The following NID1 variants were observed in gnomAD, a reference collection of about 807,000 sequenced individuals.
NID1 encodes nidogen 1.
A neutral mutation model predicts 130.6 loss-of-function variants in NID1; 76 were observed. That is an observed-to-expected ratio of 0.58 (90% confidence interval 0.48 to 0.70). The LOEUF is 0.70. NID1 is among the 30% of genes least tolerant of loss of function. The probability of loss-of-function intolerance (pLI) is 0.00; values close to 1 mark genes in which losing one functional copy is unlikely to be tolerated. For synonymous variants in NID1, 665 were observed against 675.1 expected (o/e 0.98, Z 0.23); for missense variants, 1,517 against 1,664.8 (o/e 0.91, Z 1.54).
At chr1:236,037,111 G>A (rs1260817466) in intron 5 of NID1, among the ~76,000 whole-genome samples, 1 of 152,166 alleles carries the variant, frequency 6.6e-6, no homozygotes, top group Non-Finnish European at 1.5e-5. Flanking sequence ...CTGACCATCT[G>A]CAAGCATCCA....
At chr1:236,039,729 C>T (rs557287979) in intron 4 of NID1, among the ~76,000 whole-genome samples, 1 of 152,230 alleles carries the variant, frequency 6.6e-6, no homozygotes, top group African/African-American at 2.4e-5. Flanking sequence ...AAGTTTAAAC[C>T]CAGGTAGACT....
chr1:236,045,949 A>G (rs189541306), intron 2 of NID1, among the ~76,000 whole-genome samples: 1 of 152,354 alleles, frequency 6.6e-6, no homozygotes, highest in African/African-American at 2.4e-5. Flanking sequence ...TTAACCAAAA[A>G]TTATACAGAT....
intron 14 of NID1, among the ~76,000 whole-genome samples, chr1:235,985,724 TTGTGTG>T (rs759787113): frequency 2.3e-4 from 34 of 147,588 alleles, no homozygotes; most frequent in South Asian, 1.5e-3. Flanking sequence ...GTATAGGAAT[TTGTGTG>T]TGTGTGTGTG....
At chr1:235,985,569 T>C (rs1166052394) in intron 14 of NID1, 64 bp from the exon 15 acceptor site, 2 of 1,580,332 alleles carry the variant, frequency 1.3e-6, no homozygotes, top group Non-Finnish European at 1.7e-6. Flanking sequence ...AGAATCTTTT[T>C]GCGTGCCTAC....
Position 236,045,684 on chromosome 1 carries a change from C to G in NID1, c.526-1G>C. 6.2e-7 allele frequency: 1 copy of G among 1,606,246 alleles called. No individual in the cohort carries two copies. The highest frequency in any genetic ancestry group is 8.5e-7 in the Non-Finnish European group (1 of 1,175,900). ...CTAGAACAGCCTGGAACGTGTTTCT[C>G]TGTGAAGATGAGTTAAAATTCAGTT... On this transcript the variant is annotated splice_acceptor_variant, in intron 2 of 19. Coordinates refer to ENST00000264187, the MANE Select transcript of NID1 (RefSeq NM_002508.3). LOFTEE classifies it high-confidence loss of function.
In NID1 at chr1:236,034,587, G is replaced by C. The variant is rs141615625; in HGVS notation, c.1286-1935C>G. On this transcript the variant is annotated intron_variant, in intron 5 of 19. Transcript: ENST00000264187. ...TATGTGCATGAAACGTCTGGAATAGGAACACCTATAAAGACAGAAAGTAGG... is the reference window on the plus strand; with the variant it reads ...TATGTGCATGAAACGTCTGGAATAGCAACACCTATAAAGACAGAAAGTAGG... Among the ~76,000 whole-genome samples the C allele has an allele frequency of 3.4e-4, 52 of 152,240 alleles. No homozygotes were observed. The East Asian group carries it at 9.1e-3, about 27-fold the overall frequency.
intron 8 of NID1, 99 bp downstream of exon 8, chr1:236,025,797 C>A (rs1658912146): frequency 6.9e-7 from 1 of 1,453,644 alleles, no homozygotes; most frequent in East Asian, 2.3e-5. Context: ...GCATAATTTT[C>A]TTCTACAGAC....
In NID1 at chr1:235,997,239, T is replaced by C. The variant is rs150876705; in HGVS notation, c.2528-3367A>G. ...GAGGAAGAATAAATATTTTCGGCTT[T>C]GTGGGCCATGAGGTCTCTGTTACGA... On this transcript the variant is annotated intron_variant, in intron 12 of 19. Transcript: ENST00000264187. Among the ~76,000 whole-genome samples, 321 of 152,316 alleles carry C rather than the reference T, an allele frequency of 2.1e-3. 1 individual carries two copies. The highest frequency in any genetic ancestry group is 1.7e-3 in the Non-Finnish European group (119 of 68,036).
chr1:235,983,937 C>A (rs370994856), intron 15 of NID1, among the ~76,000 whole-genome samples: 19 of 151,716 alleles, frequency 1.3e-4, no homozygotes, highest in African/African-American at 4.6e-4. Context: ...TAGGGAAGCA[C>A]CAACCTGTAC....
At chr1:235,985,758 A>G (rs952757744) in intron 14 of NID1, among the ~76,000 whole-genome samples, 9 of 150,506 alleles carry the variant, frequency 6.0e-5, no homozygotes, top group South Asian at 2.1e-4. Context: ...GTGTGTGTAT[A>G]TATATGCATA....
chr1:236,001,534 C>T (rs1486381626), intron 12 of NID1, among the ~76,000 whole-genome samples: 1 of 152,214 alleles, frequency 6.6e-6, no homozygotes, highest in Non-Finnish European at 1.5e-5. Context: ...GTCCATCTGA[C>T]ATGGTCTTCA....
intron 15 of NID1, among the ~76,000 whole-genome samples, chr1:235,982,465 T>C (rs1350014849): frequency 6.6e-6 from 1 of 152,188 alleles, no homozygotes; most frequent in Non-Finnish European, 1.5e-5. Flanking sequence ...ATAAAGGTCA[T>C]TGAAATAATA....
chr1:236,045,893 T>A (rs1310135039), intron 2 of NID1, among the ~76,000 whole-genome samples: 1 of 152,222 alleles, frequency 6.6e-6, no homozygotes, highest in Non-Finnish European at 1.5e-5. Context: ...ACATGACATT[T>A]TCTGATTAAT....
chr1:236,038,144 GAC>G lies in NID1; in HGVS notation c.1243_1244del (p.Val415ArgfsTer39). ...DYATGFCCSC[V>X]AGYTGNGRQC... ...GCCTGCCATTGCCCGTATAGCCAGCGACACAGCTGCAGCAGAAGCCCGTGGCG... is the reference window on the plus strand; with the variant it reads ...GCCTGCCATTGCCCGTATAGCCAGCGACAGCTGCAGCAGAAGCCCGTGGCG... On this transcript the variant is annotated frameshift_variant, in exon 5 of 20. Coordinates refer to ENST00000264187, the MANE Select transcript of NID1 (RefSeq NM_002508.3). LOFTEE classifies it high-confidence loss of function. The G allele has an allele frequency of 6.2e-7, 1 of 1,609,270 alleles. No individual in the cohort carries two copies. The highest frequency in any genetic ancestry group is 8.5e-7 in the Non-Finnish European group (1 of 1,176,088).
chr1:235,994,165 T>G (rs912095261), intron 12 of NID1, among the ~76,000 whole-genome samples: 2 of 152,240 alleles, frequency 1.3e-5, no homozygotes, highest in Non-Finnish European at 2.9e-5. Flanking sequence ...ACAGTGAACC[T>G]TTTTTTACTT....
chr1:236,018,632 A>G (rs1658668331), intron 9 of NID1, among the ~76,000 whole-genome samples: 1 of 152,154 alleles, frequency 6.6e-6, no homozygotes, highest in African/African-American at 2.4e-5. Flanking sequence ...TCAACCTCAT[A>G]CTCAGAGTGT....
At chr1:236,030,213 T>G (rs544925099) in intron 6 of NID1, among the ~76,000 whole-genome samples, 1 of 152,162 alleles carries the variant, frequency 6.6e-6, no homozygotes. Context: ...ATGGGTGAGT[T>G]GCTCGTGGCA....
At chr1:236,029,513 G>T (rs201518220) in intron 7 of NID1, 37 bp downstream of exon 7, 1 of 1,538,020 alleles carries the variant, frequency 6.5e-7, no homozygotes, top group Non-Finnish European at 8.8e-7. Flanking sequence ...GCTAGTGGCC[G>T]GTCTGGGGCT....
At position 235,981,800 on chromosome 1, in the gene NID1, G is replaced by T; in HGVS notation, c.3056-18C>A. 1.9e-6 allele frequency: 3 copies of T among 1,574,300 alleles called. No homozygotes were observed. Among genetic ancestry groups the T allele is most frequent in the Non-Finnish European group, 2.6e-6 (3 of 1,160,282 alleles). ...TCCAAGATCTAGAAGTAAACACAGA[G>T]CTCCTCTAATTTTTTTTGTTTTCTA... On this transcript the variant is annotated intron_variant, in intron 15 of 19. Transcript: ENST00000264187.
Sources: gnomAD v4.1 joint callset for allele counts (sites outside exome capture counted in the v4.1 genomes callset) on GRCh38, gnomAD v4.1.1 for gene constraint, MANE v1.5 for transcripts, NCBI Gene and HGNC (gene_info 2026-07-23, HGNC 2026-07-21) for gene names.